Variants in PDSS2 observed in about 807,000 individuals in gnomAD.
PDSS2 encodes the protein all trans-polyprenyl-diphosphate synthase PDSS2.
Under a neutral mutation model 44.5 loss-of-function variants are expected in PDSS2, and 31 were observed. The observed-to-expected ratio is 0.70, with a 90% CI of 0.52 to 0.94. The LOEUF is 0.94. PDSS2 is among the 40% of genes least tolerant of loss of function. PDSS2 has a pLI of 0.00. For synonymous variants in PDSS2, 157 were observed against 180.3 expected, an observed-to-expected ratio of 0.87 and a Z score of 1.03; for missense variants, 452 against 482.2, an observed-to-expected ratio of 0.94 and a Z score of 0.59.
chr6:107,420,135 T>G (rs1309944025), intron 1 of PDSS2, among the ~76,000 whole-genome samples: 2 of 152,342 alleles, frequency 1.3e-5, no homozygotes, highest in East Asian at 3.9e-4. Context: ...TACTTAAAAC[T>G]GATAGCACTA....
chr6:107,329,617 T>C (rs1414068751), intron 2 of PDSS2, among the ~76,000 whole-genome samples: 1 of 152,306 alleles, frequency 6.6e-6, no homozygotes, highest in East Asian at 1.9e-4. Context: ...TCTGTAAAGA[T>C]CCTTTCTCCT....
intron 2 of PDSS2, among the ~76,000 whole-genome samples, chr6:107,277,122 G>A (rs1245562243): frequency 6.6e-6 from 1 of 152,118 alleles, no homozygotes; most frequent in Non-Finnish European, 1.5e-5. Context: ...TTCCACATGT[G>A]CCCATTGAAA....
chr6:107,155,881 T>A (rs1334697278), intron 7 of PDSS2, among the ~76,000 whole-genome samples: 9 of 110,654 alleles, frequency 8.1e-5, no homozygotes, highest in African/African-American at 3.1e-4. Context: ...CCCGGCCTTT[T>A]TTTTTTTTTT....
At chr6:107,395,302 T>C (rs1436009050) in intron 1 of PDSS2, among the ~76,000 whole-genome samples, 2 of 152,176 alleles carry the variant, frequency 1.3e-5, no homozygotes, top group Non-Finnish European at 2.9e-5. Context: ...TTGTGGCCTA[T>C]TGAGCTTCTT....
chr6:107,210,868 G>T (rs1371681372), intron 5 of PDSS2, among the ~76,000 whole-genome samples: 2 of 149,976 alleles, frequency 1.3e-5, no homozygotes, highest in Non-Finnish European at 2.9e-5. Flanking sequence ...GGGGGGGTTT[G>T]CACACACATT....
chr6:107,350,592 G>A (rs1778401916), intron 1 of PDSS2, among the ~76,000 whole-genome samples: 1 of 152,162 alleles, frequency 6.6e-6, no homozygotes. Flanking sequence ...GAGAAGGCCA[G>A]GATTTGGAGA....
intron 2 of PDSS2, among the ~76,000 whole-genome samples, chr6:107,292,466 G>A (rs1776379412): frequency 6.6e-6 from 1 of 152,084 alleles, no homozygotes; most frequent in Admixed American, 6.5e-5. Flanking sequence ...CTTTGGTGGT[G>A]GTAGTCATAC....
chr6:107,331,225 G>C (rs747281747), intron 2 of PDSS2, among the ~76,000 whole-genome samples: 1 of 152,208 alleles, frequency 6.6e-6, no homozygotes, highest in Non-Finnish European at 1.5e-5. Flanking sequence ...TTCAGGGGTA[G>C]AGAAACAAAT....
Position 107,259,188 on chromosome 6 carries a change from T to G in PDSS2, c.631-13569A>C, listed in dbSNP as rs1582858834. On this transcript the variant is annotated intron_variant, in intron 3 of 7. Transcript: ENST00000369037. ...TTATTTCTAAAATATTTGATGGTAATTTTAATGATTAAATTTTCTACAACT... is the reference window on the plus strand; with the variant it reads ...TTATTTCTAAAATATTTGATGGTAAGTTTAATGATTAAATTTTCTACAACT... 2.0e-5 allele frequency among the ~76,000 whole-genome samples: 3 copies of G among 152,352 alleles called. No homozygotes were observed. The South Asian group carries it at 6.2e-4, about 32-fold the overall frequency.
chr6:107,274,323 T>C, intron 2 of PDSS2, 96 bp from the exon 3 acceptor site: 1 of 966,538 alleles, frequency 1.0e-6, no homozygotes, highest in Non-Finnish European at 1.6e-6. Flanking sequence ...TTCCATAGGT[T>C]GCCCCCCACT....
At chr6:107,171,427 T>C (rs145168595) in intron 7 of PDSS2, among the ~76,000 whole-genome samples, 160 of 152,282 alleles carry the variant, frequency 1.1e-3, no homozygotes, top group African/African-American at 3.8e-3. Context: ...CCTCCCAAAG[T>C]GCTAGGTAAC....
intron 2 of PDSS2, among the ~76,000 whole-genome samples, chr6:107,293,766 T>A (rs772473915): frequency 1.2e-4 from 19 of 152,026 alleles, no homozygotes; most frequent in Non-Finnish European, 2.1e-4. Context: ...GCTAAAAATA[T>A]TTGGTGAACT....
chr6:107,338,824 G>A (rs1777989182), intron 1 of PDSS2, among the ~76,000 whole-genome samples: 1 of 152,170 alleles, frequency 6.6e-6, no homozygotes, highest in South Asian at 2.1e-4. Context: ...ATCTGGAGGG[G>A]CACAGGAGAG....
intron 1 of PDSS2, among the ~76,000 whole-genome samples, chr6:107,351,824 A>G (rs1349536193): frequency 2.6e-5 from 4 of 152,182 alleles, no homozygotes; most frequent in African/African-American, 7.2e-5. Flanking sequence ...TCTTTTAACT[A>G]ATCATATAGT....
intron 1 of PDSS2, among the ~76,000 whole-genome samples, chr6:107,350,755 A>T (rs1179805723): frequency 6.6e-6 from 1 of 152,158 alleles, no homozygotes; most frequent in East Asian, 1.9e-4. Flanking sequence ...GGATGCAGTG[A>T]GCTATGATCA....
chr6:107,279,540 C>T (rs1242480188), intron 2 of PDSS2, among the ~76,000 whole-genome samples: 1 of 152,182 alleles, frequency 6.6e-6, no homozygotes, highest in Non-Finnish European at 1.5e-5. Flanking sequence ...TAAGACAATT[C>T]ATGGGCAAAT....
chr6:107,320,842 C>G (rs1777358735), intron 2 of PDSS2, among the ~76,000 whole-genome samples: 2 of 152,154 alleles, frequency 1.3e-5, no homozygotes, highest in Non-Finnish European at 2.9e-5. Flanking sequence ...TGTCTGTCCA[C>G]TATACTGAGG....
At position 107,402,451 on chromosome 6, in the gene PDSS2, C is replaced by CACATATATATACGTATATATATGTAT. The variant is rs138736576; in HGVS notation, c.296+56513_296+56538dup. Among the ~76,000 whole-genome samples, 41 of 8,104 alleles carry CACATATATATACGTATATATATGTAT rather than the reference C, an allele frequency of 5.1e-3. 10 individuals carry two copies. The highest frequency in any genetic ancestry group is 7.2e-3 in the African/African-American group (11 of 1,536). 5.3% of individuals were successfully genotyped at this position (8,104 alleles called of 152,430 possible). A position where few individuals can be genotyped will look rare whatever the true frequency, so the allele number is the denominator to read the frequency against. On this transcript the variant is annotated intron_variant, in intron 1 of 7. Transcript: ENST00000369037. ...TAATATATATATACACACACACACA[C>CACATATATATACGTATATATATGTAT]ACATATATATACGTATATATATGTA... is the stretch of plus-strand genomic sequence containing the variant.
intron 7 of PDSS2, among the ~76,000 whole-genome samples, chr6:107,170,619 C>A (rs55755869): frequency 0.45 from 37,346 of 82,758 alleles, 5,488 homozygotes; most frequent in Middle Eastern, 0.51. Flanking sequence ...CCCCCCCCCC[C>A]ACTTTTTTTT....
Sources: gnomAD v4.1 joint callset for allele counts (sites outside exome capture counted in the v4.1 genomes callset) on GRCh38, gnomAD v4.1.1 for gene constraint, MANE v1.5 for transcripts, NCBI Gene and HGNC (gene_info 2026-07-23, HGNC 2026-07-21) for gene names.